The following NINL variants were observed in gnomAD, a reference collection of about 807,000 sequenced individuals.
The protein encoded by NINL is ninein-like protein.
In NINL, 153 loss-of-function variants were observed where a neutral mutation model predicts 160.3. The ratio of observed to expected loss-of-function variants is 0.95; its 90% confidence interval spans 0.84 to 1.09. The LOEUF is 1.09. Ranked by LOEUF, NINL falls within the 50% of genes least tolerant of loss-of-function variation. NINL has a pLI of 0.00. For missense variants in NINL, 1,829 were observed against 1,764.0 expected (o/e 1.04, Z -0.66); for synonymous variants, 800 against 734.8 (o/e 1.09, Z -1.43).
rs192263998 is a variant in NINL at position 25,512,927 on chromosome 20, G to A, written c.357C>T (p.Asp119=). The change falls in exon 4 of 24, where the codon GAC becomes GAT. Residue 119 remains aspartate, a synonymous_variant. Transcript: ENST00000278886. ...YGRRSRPELC[D]AATEARRVPE... is the part of the protein sequence containing the mutation. ...GCACGCGTCTGGCTTCTGTGGCAGC[G>A]TCACATAGCTCAGGCCGGCTCCGAC... is the stretch of plus-strand genomic sequence containing the variant. 2.3e-5 allele frequency: 37 copies of A among 1,614,180 alleles called. No homozygotes were observed. The highest frequency in any genetic ancestry group is 1.8e-4 in the Admixed American group (11 of 60,028).
intron 7 of NINL, among the ~76,000 whole-genome samples, chr20:25,501,321 C>T (rs117226672): frequency 1.3e-5 from 2 of 152,230 alleles, no homozygotes; most frequent in Non-Finnish European, 2.9e-5. Context: ...TGGAGAGGGA[C>T]GACAAAGGAG....
intron 1 of NINL, among the ~76,000 whole-genome samples, chr20:25,539,534 TACACGCTGTA>T (rs892462933): frequency 1.3e-5 from 2 of 152,188 alleles, no homozygotes; most frequent in Non-Finnish European, 1.5e-5. Flanking sequence ...GCTTACTCAC[TACACGCTGTA>T]ATACTGCCAC....
At chr20:25,568,278 T>C (rs114421714) in intron 1 of NINL, among the ~76,000 whole-genome samples, 4 of 151,182 alleles carry the variant, frequency 2.6e-5, no homozygotes, top group East Asian at 1.9e-4. Context: ...AAAGAGAGAA[T>C]TGTATCTTTA....
intron 21 of NINL, 42 bp from the exon 22 acceptor site, chr20:25,458,571 A>G (rs1234713385): frequency 9.9e-6 from 15 of 1,512,244 alleles, no homozygotes; most frequent in Non-Finnish European, 1.2e-5. Flanking sequence ...GGCTGCTGAG[A>G]CGCGGCACAG....
At chr20:25,553,994 C>G (rs981362728) in intron 1 of NINL, among the ~76,000 whole-genome samples, 1 of 152,240 alleles carries the variant, frequency 6.6e-6, no homozygotes, top group African/African-American at 2.4e-5. Flanking sequence ...GCCTTCCAGG[C>G]AGCTATGGCT....
chr20:25,483,464 A>C (rs535923848), intron 13 of NINL, among the ~76,000 whole-genome samples: 1 of 152,368 alleles, frequency 6.6e-6, no homozygotes, highest in African/African-American at 2.4e-5. Context: ...TAAGGATAGG[A>C]TTCCTTCCTC....
chr20:25,498,041 G>A (rs981922444), intron 9 of NINL, among the ~76,000 whole-genome samples, 169 bp downstream of exon 9: 5 of 152,220 alleles, frequency 3.3e-5, no homozygotes, highest in South Asian at 2.1e-4. Flanking sequence ...TGCGAGCGCC[G>A]GCTTGAGGGG....
At chr20:25,501,467 G>A (rs1174385526) in intron 7 of NINL, among the ~76,000 whole-genome samples, 7 of 152,224 alleles carry the variant, frequency 4.6e-5, no homozygotes, top group Non-Finnish European at 8.8e-5. Flanking sequence ...GGGCAGAAGT[G>A]CGCTGGCCCA....
intron 19 of NINL, 139 bp from the exon 20 acceptor site, chr20:25,462,680 G>GCTCT: frequency 2.0e-6 from 1 of 512,794 alleles, no homozygotes. Flanking sequence ...TTCAAGACAG[G>GCTCT]CTCTCGCTCT....
At chr20:25,517,310 C>T (rs1183654249) in intron 3 of NINL, among the ~76,000 whole-genome samples, 2 of 152,102 alleles carry the variant, frequency 1.3e-5, no homozygotes, top group Non-Finnish European at 2.9e-5. Context: ...CATCTGCAAC[C>T]AAGAAGCAGG....
intron 13 of NINL, among the ~76,000 whole-genome samples, chr20:25,486,419 C>T (rs943341519): frequency 4.6e-5 from 7 of 152,112 alleles, no homozygotes; most frequent in Non-Finnish European, 7.4e-5. Flanking sequence ...TTTGAAAAAT[C>T]CAGGGCACTA....
intron 1 of NINL, among the ~76,000 whole-genome samples, chr20:25,570,388 G>A (rs2065040063): frequency 6.6e-6 from 1 of 152,126 alleles, no homozygotes; most frequent in Non-Finnish European, 1.5e-5. Flanking sequence ...GAGTTCTCAT[G>A]AGATTTGGTT....
At chr20:25,549,629 C>T (rs563182125) in intron 1 of NINL, among the ~76,000 whole-genome samples, 2 of 152,360 alleles carry the variant, frequency 1.3e-5, no homozygotes, top group Admixed American at 1.3e-4. Flanking sequence ...GCTGGCAGCT[C>T]ATCATGCACG....
intron 1 of NINL, among the ~76,000 whole-genome samples, chr20:25,535,995 G>C (rs1799101944): frequency 6.6e-6 from 1 of 152,164 alleles, no homozygotes; most frequent in South Asian, 2.1e-4. Context: ...GAACTTCAGA[G>C]CAAACTAACG....
chr20:25,497,701 G>A (rs374207551), intron 9 of NINL, among the ~76,000 whole-genome samples: 3 of 152,234 alleles, frequency 2.0e-5, no homozygotes, highest in Non-Finnish European at 2.9e-5. Context: ...TTTGAAAAGC[G>A]CCTTTCCTTC....
intron 2 of NINL, among the ~76,000 whole-genome samples, chr20:25,520,608 C>A (rs1453868496): frequency 2.6e-5 from 4 of 152,218 alleles, no homozygotes; most frequent in Admixed American, 1.3e-4. Flanking sequence ...CCAGAACTCT[C>A]CTTCTCACAG....
chr20:25,460,408 T>C lies in NINL; in HGVS notation c.3696+1114A>G, dbSNP rs1462753192. Among the ~76,000 whole-genome samples, 3 of 152,118 alleles carry C rather than the reference T, an allele frequency of 2.0e-5. No individual in the cohort carries two copies. The East Asian group carries it at 5.8e-4, about 29-fold the overall frequency. ...CAGACTTGGTGAGGTGCTTCCCAACTGAGAGGCTGGTGGCAGGCGTGGCCC... is the reference window on the plus strand; with the variant it reads ...CAGACTTGGTGAGGTGCTTCCCAACCGAGAGGCTGGTGGCAGGCGTGGCCC... On this transcript the variant is annotated intron_variant, in intron 21 of 23. Transcript: ENST00000278886.
At chr20:25,484,210 T>C (rs933622674) in intron 13 of NINL, among the ~76,000 whole-genome samples, 6 of 152,166 alleles carry the variant, frequency 3.9e-5, no homozygotes, top group African/African-American at 1.4e-4. Flanking sequence ...AATATCCTTG[T>C]TACAAAATAC....
At chr20:25,528,269 A>C (rs1387426748) in intron 1 of NINL, among the ~76,000 whole-genome samples, 1 of 152,184 alleles carries the variant, frequency 6.6e-6, no homozygotes, top group African/African-American at 2.4e-5. Context: ...TTCTGGACTC[A>C]AGTGATTTCC....
Sources: gnomAD v4.1 joint callset for allele counts (sites outside exome capture counted in the v4.1 genomes callset) on GRCh38, gnomAD v4.1.1 for gene constraint, MANE v1.5 for transcripts, NCBI Gene and HGNC (gene_info 2026-07-23, HGNC 2026-07-21) for gene names.